PCMTD1: variants seen among roughly 807,000 people sequenced by gnomAD.
The protein encoded by PCMTD1 is protein-L-isoaspartate (D-aspartate) O-methyltransferase domain containing 1, also known as protein-L-isoaspartate O-methyltransferase domain-containing protein 1.
PCMTD1 carries 12 observed loss-of-function variants against 37.6 expected under a neutral mutation model. The observed-to-expected ratio is 0.32, with a 90% CI of 0.20 to 0.52. PCMTD1 has a LOEUF of 0.52. Among genes scored for constraint, PCMTD1 ranks in the 20% least tolerant of loss-of-function variants. PCMTD1 has a pLI of 0.97. For synonymous variants in PCMTD1, 117 were observed against 135.8 expected (o/e 0.86, Z 0.96); for missense variants, 235 against 421.3 (o/e 0.56, Z 3.87).
intron 5 of PCMTD1, among the ~76,000 whole-genome samples, chr8:51,828,561 A>G (rs954664782): frequency 2.0e-5 from 3 of 152,154 alleles, no homozygotes; most frequent in Non-Finnish European, 4.4e-5. Context: ...TCTGGTTTCT[A>G]CTAAACAAGT....
chr8:51,845,514 A>C (rs2038204745), intron 3 of PCMTD1, 147 bp downstream of exon 3: 1 of 546,028 alleles, frequency 1.8e-6, no homozygotes. Context: ...ACCACAGAAT[A>C]ATCTTAACTT....
At chr8:51,851,749 G>A (rs532745557) in intron 2 of PCMTD1, among the ~76,000 whole-genome samples, 32 of 151,526 alleles carry the variant, frequency 2.1e-4, no homozygotes, top group Admixed American at 1.1e-3. Flanking sequence ...TCCGCCTCCC[G>A]GGTTCAAGTG....
intron 3 of PCMTD1, among the ~76,000 whole-genome samples, chr8:51,838,372 C>CAAAGGTAG (rs2038097902): frequency 6.6e-6 from 1 of 151,668 alleles, no homozygotes; most frequent in African/African-American, 2.4e-5. Flanking sequence ...GCCTATAGTC[C>CAAAGGTAG]CAGCTACTCC....
Position 51,820,724 on chromosome 8 carries a change from A to G in PCMTD1, c.707-6T>C. Reference sequence around the variant, plus strand: ...ATTCCTGACAGCACAGGGAGCTAAAAACAAACATAAAACGCAAGAAAGAAA... The same window carrying G: ...ATTCCTGACAGCACAGGGAGCTAAAGACAAACATAAAACGCAAGAAAGAAA... On this transcript the variant is annotated splice_polypyrimidine_tract_variant and splice_region_variant and intron_variant, in intron 5 of 5. Coordinates refer to ENST00000522514, the MANE Select transcript of PCMTD1 (RefSeq NM_052937.4). 6.3e-7 allele frequency: 1 copy of G among 1,581,196 alleles called. No homozygotes were observed. Among genetic ancestry groups the G allele is most frequent in the Non-Finnish European group, 8.6e-7 (1 of 1,168,588 alleles).
chr8:51,862,122 T>C (rs2038480486), intron 1 of PCMTD1, among the ~76,000 whole-genome samples: 2 of 152,196 alleles, frequency 1.3e-5, no homozygotes, highest in Admixed American at 1.3e-4. Flanking sequence ...TTTAAATTTC[T>C]GAACTTAAAA....
At chr8:51,898,603 G>A (rs1380963732) in intron 1 of PCMTD1, among the ~76,000 whole-genome samples, 1 of 152,148 alleles carries the variant, frequency 6.6e-6, no homozygotes, top group Admixed American at 6.5e-5. Flanking sequence ...GACGGGCCGA[G>A]GACGCGGCGC....
chr8:51,849,882 T>C, intron 2 of PCMTD1: 2 of 589,508 alleles, frequency 3.4e-6, no homozygotes, highest in Middle Eastern at 4.5e-4. Flanking sequence ...AGTGTGGTGC[T>C]GATGAGTAGA....
intron 1 of PCMTD1, among the ~76,000 whole-genome samples, chr8:51,871,817 GTA>G (rs1020867969): frequency 2.6e-5 from 4 of 152,154 alleles, no homozygotes; most frequent in African/African-American, 7.2e-5. Context: ...AGTACATGAA[GTA>G]TATGTTTTCT....
At chr8:51,853,159 G>T (rs1056043824) in intron 2 of PCMTD1, among the ~76,000 whole-genome samples, 1 of 152,156 alleles carries the variant, frequency 6.6e-6, no homozygotes. Flanking sequence ...ATTTATAAAC[G>T]TAACACACAG....
intron 1 of PCMTD1, among the ~76,000 whole-genome samples, chr8:51,882,153 G>C (rs983353265): frequency 5.9e-5 from 9 of 152,194 alleles, no homozygotes; most frequent in African/African-American, 2.2e-4. Flanking sequence ...AGTGCCAACA[G>C]AATCACTTTC....
intron 4 of PCMTD1, among the ~76,000 whole-genome samples, chr8:51,832,284 A>G (rs1395528682): frequency 3.3e-5 from 5 of 152,258 alleles, no homozygotes; most frequent in Non-Finnish European, 5.9e-5. Context: ...AAAATAAAAA[A>G]CAAATTGTTT....
intron 1 of PCMTD1, among the ~76,000 whole-genome samples, chr8:51,898,413 G>T (rs1206589401): frequency 1.3e-5 from 2 of 151,996 alleles, no homozygotes; most frequent in South Asian, 2.1e-4. Flanking sequence ...TAACCTCTCA[G>T]TCCCCTCCCA....
chr8:51,879,267 C>T (rs1207382380), intron 1 of PCMTD1, among the ~76,000 whole-genome samples: 1 of 150,726 alleles, frequency 6.6e-6, no homozygotes. Flanking sequence ...GAATGAATGT[C>T]ATATTGTTAT....
chr8:51,821,688 A>G (rs920642207), intron 5 of PCMTD1, among the ~76,000 whole-genome samples: 11 of 152,150 alleles, frequency 7.2e-5, no homozygotes, highest in Non-Finnish European at 1.6e-4. Flanking sequence ...TAAGGAATAC[A>G]AGAAAAAAAT....
rs1349493565 is a variant in PCMTD1, at chr8:51,819,708, A to G, written c.*643T>C. On this transcript the variant is annotated 3_prime_UTR_variant, in exon 6 of 6. Coordinates refer to ENST00000522514, the MANE Select transcript of PCMTD1 (RefSeq NM_052937.4). Reference sequence around the variant, plus strand: ...TTGCTGTGCTCTTAAAATCTCTATGAGAGAGGCAGATATTTTACCCATGTC... The same window carrying G: ...TTGCTGTGCTCTTAAAATCTCTATGGGAGAGGCAGATATTTTACCCATGTC... The G allele has an allele frequency of 1.3e-5, 2 of 152,668 alleles. No individual in the cohort carries two copies. Among genetic ancestry groups the G allele is most frequent in the African/African-American group, 2.4e-5 (1 of 41,454 alleles). 9.5% of individuals were successfully genotyped at this position (152,668 alleles called of 1,614,324 possible). A position where few individuals can be genotyped will look rare whatever the true frequency, so the allele number is the denominator to read the frequency against.
intron 1 of PCMTD1, among the ~76,000 whole-genome samples, chr8:51,864,740 A>G (rs2038525084): frequency 6.6e-6 from 1 of 152,178 alleles, no homozygotes. Flanking sequence ...GTTTACAGCA[A>G]TAAATGCCTG....
At chr8:51,891,423 G>C (rs993940595) in intron 1 of PCMTD1, among the ~76,000 whole-genome samples, 3 of 151,924 alleles carry the variant, frequency 2.0e-5, no homozygotes, top group African/African-American at 7.3e-5. Flanking sequence ...GCCGGGCATC[G>C]TGGCACATGC....
At chr8:51,877,044 AAACT>A (rs1386675729) in intron 1 of PCMTD1, among the ~76,000 whole-genome samples, 1 of 152,246 alleles carries the variant, frequency 6.6e-6, no homozygotes, top group Non-Finnish European at 1.5e-5. Context: ...GAAGTAGTCA[AAACT>A]AACTTCACCA....
intron 2 of PCMTD1, among the ~76,000 whole-genome samples, chr8:51,846,358 G>C (rs1053562538): frequency 1.3e-5 from 2 of 152,070 alleles, no homozygotes; most frequent in Admixed American, 1.3e-4. Flanking sequence ...GCCCATGGAC[G>C]GACTACCTCC....
Sources: allele counts gnomAD v4.1 joint callset (sites outside exome capture counted in the v4.1 genomes callset), GRCh38; gene constraint gnomAD v4.1.1; transcripts MANE v1.5; gene names NCBI Gene and HGNC (gene_info 2026-07-23, HGNC 2026-07-21).